The following KDM4C variants were observed in gnomAD, a reference collection of about 807,000 sequenced individuals.
KDM4C encodes lysine-specific demethylase 4C.
In KDM4C, 81 loss-of-function variants were observed where a neutral mutation model predicts 129.3. The observed-to-expected ratio is 0.63, with a 90% CI of 0.52 to 0.75. The LOEUF (loss-of-function observed/expected upper bound fraction) is 0.75, where lower values mean the gene tolerates loss of function less well. KDM4C is among the 30% of genes least tolerant of loss of function. KDM4C has a pLI of 0.00. For synonymous variants in KDM4C, 573 were observed against 456.1 expected, an observed-to-expected ratio of 1.26 and a Z score of -3.26; for missense variants, 1,457 against 1,304.0, an observed-to-expected ratio of 1.12 and a Z score of -1.81.
At chr9:6,824,014 A>G (rs760983967) in intron 4 of KDM4C, among the ~76,000 whole-genome samples, 4 of 152,236 alleles carry the variant, frequency 2.6e-5, no homozygotes, top group Non-Finnish European at 5.9e-5. Context: ...TTGGGAAAAC[A>G]TCTGAGATAC....
At chr9:7,022,637 C>CTTTTTT (rs375675040) in intron 15 of KDM4C, among the ~76,000 whole-genome samples, 4 of 133,972 alleles carry the variant, frequency 3.0e-5, no homozygotes, top group Non-Finnish European at 4.8e-5. Flanking sequence ...CCCTTTATTT[C>CTTTTTT]TTTTTTTTTT....
chr9:7,138,218 T>A (rs1161309291), intron 19 of KDM4C, among the ~76,000 whole-genome samples: 1 of 152,198 alleles, frequency 6.6e-6, no homozygotes, highest in African/African-American at 2.4e-5. Flanking sequence ...TGCTAAGAAG[T>A]GAGTGAAATG....
At chr9:7,170,097 C>T in intron 21 of KDM4C, 1 of 1,458,974 alleles carries the variant, frequency 6.9e-7, no homozygotes, top group Non-Finnish European at 9.1e-7. Flanking sequence ...CTTTACTTTT[C>T]TTCTAATGAA....
chr9:6,748,856 C>T, intron 1 of KDM4C: 1 of 1,071,008 alleles, frequency 9.3e-7, no homozygotes, highest in East Asian at 2.4e-5. Context: ...AGCCTTCTAT[C>T]TGCATATTCA....
intron 6 of KDM4C, among the ~76,000 whole-genome samples, chr9:6,881,616 C>T (rs989865668): frequency 2.0e-5 from 3 of 152,178 alleles, no homozygotes; most frequent in African/African-American, 7.2e-5. Context: ...CTGATATAAA[C>T]TTCTAATGCT....
intron 5 of KDM4C, among the ~76,000 whole-genome samples, chr9:6,871,967 G>A (rs1242843593): frequency 1.3e-5 from 2 of 152,170 alleles, no homozygotes; most frequent in Non-Finnish European, 2.9e-5. Flanking sequence ...GGATGAGATG[G>A]CTGAAATTTA....
intron 1 of KDM4C, among the ~76,000 whole-genome samples, chr9:6,771,043 G>A (rs1378097150): frequency 6.8e-6 from 1 of 147,498 alleles, no homozygotes; most frequent in Non-Finnish European, 1.5e-5. Flanking sequence ...CAAAGTGCTG[G>A]GATTACAGGC....
intron 19 of KDM4C, among the ~76,000 whole-genome samples, chr9:7,165,025 A>T (rs1844229507): frequency 6.6e-6 from 1 of 151,980 alleles, no homozygotes; most frequent in African/African-American, 2.4e-5. Context: ...TGCTTGGATT[A>T]TGGTGGCTCC....
intron 8 of KDM4C, among the ~76,000 whole-genome samples, chr9:6,975,858 C>A (rs1320771148): frequency 6.6e-6 from 1 of 152,104 alleles, no homozygotes; most frequent in Admixed American, 6.5e-5. Context: ...GCTAACATAG[C>A]AAAACCCCGT....
rs1818731457 is a variant in KDM4C at position 6,758,521 on chromosome 9, T to G, written c.-18+318T>G. The stretch of plus-strand genomic sequence containing the variant: ...TTGGGGCAGAGGAGCGCTCGGGCGG[T>G]CCTGGGATGCGGACCTCTTAACGCC... On this transcript the variant is annotated intron_variant, in intron 1 of 21. Coordinates refer to ENST00000381309, the MANE Select transcript of KDM4C (RefSeq NM_015061.6). The surrounding 1 kb of genome is among the most constrained non-coding windows in gnomAD (Gnocchi z 4.6). 6.7e-6 allele frequency among the ~76,000 whole-genome samples: 1 copy of G among 149,456 alleles called. No homozygotes were observed. The highest frequency in any genetic ancestry group is 2.5e-5 in the African/African-American group (1 of 40,440).
chr9:6,836,549 G>C (rs372112814), intron 4 of KDM4C, among the ~76,000 whole-genome samples: 1 of 152,118 alleles, frequency 6.6e-6, no homozygotes, highest in African/African-American at 2.4e-5. Flanking sequence ...GTCCTTTCCT[G>C]CTATGCCACC....
At chr9:6,998,903 C>A (rs1018592642) in intron 12 of KDM4C, among the ~76,000 whole-genome samples, 3 of 152,174 alleles carry the variant, frequency 2.0e-5, no homozygotes, top group African/African-American at 7.2e-5. Context: ...AGGACTAGAG[C>A]TGCCCACTGA....
chr9:6,837,950 C>A (rs915897650), intron 4 of KDM4C, among the ~76,000 whole-genome samples: 4 of 152,076 alleles, frequency 2.6e-5, no homozygotes, highest in Non-Finnish European at 4.4e-5. Context: ...GCTTAACTTA[C>A]CTTTCAGACT....
chr9:7,170,501 A>G (rs1391210520), intron 21 of KDM4C: 1 of 978,790 alleles, frequency 1.0e-6, no homozygotes, highest in Admixed American at 6.1e-5. Context: ...AAGATGAACA[A>G]ACATGGACAA....
chr9:7,098,866 A>G (rs1471590938), intron 17 of KDM4C, among the ~76,000 whole-genome samples: 5 of 152,180 alleles, frequency 3.3e-5, no homozygotes, highest in Admixed American at 6.6e-5. Flanking sequence ...TTAATGAATA[A>G]TAATGAGCAG....
At chr9:6,906,319 GAAACTCCACAGGGT>G (rs1228582905) in intron 8 of KDM4C, among the ~76,000 whole-genome samples, 1 of 152,136 alleles carries the variant, frequency 6.6e-6, no homozygotes, top group African/African-American at 2.4e-5. Context: ...CTCGTTTGTG[GAAACTCCACAGGGT>G]AAACCTCTCC....
intron 15 of KDM4C, among the ~76,000 whole-genome samples, chr9:7,046,415 T>G (rs2132524656): frequency 6.6e-6 from 1 of 152,102 alleles, no homozygotes; most frequent in Non-Finnish European, 1.5e-5. Context: ...ATCCTTGTAG[T>G]AGAAAAAAGC....
At chr9:6,769,874 A>G (rs957740172) in intron 1 of KDM4C, among the ~76,000 whole-genome samples, 1 of 152,206 alleles carries the variant, frequency 6.6e-6, no homozygotes, top group African/African-American at 2.4e-5. Flanking sequence ...GGGTTTGGTC[A>G]TGTATTTATT....
intron 12 of KDM4C, among the ~76,000 whole-genome samples, chr9:7,009,399 C>G (rs1301704372): frequency 6.6e-6 from 1 of 152,004 alleles, no homozygotes; most frequent in South Asian, 2.1e-4. Flanking sequence ...TGCTCAAGTG[C>G]TTTTTTAAAG....
Sources: gnomAD v4.1 joint callset for allele counts (sites outside exome capture counted in the v4.1 genomes callset) on GRCh38, gnomAD v4.1.1 for gene constraint, Gnocchi (gnomAD v3.1) non-coding constraint, MANE v1.5 for transcripts, NCBI Gene and HGNC (gene_info 2026-07-23, HGNC 2026-07-21) for gene names.